Variants in ROBO2 observed in about 807,000 individuals in gnomAD.
ROBO2 encodes the protein roundabout guidance receptor 2.
In ROBO2, 53 loss-of-function variants were observed where a neutral mutation model predicts 160.8. That is an observed-to-expected ratio of 0.33 (90% CI 0.26 to 0.41). The LOEUF is 0.41. Among genes scored for constraint, ROBO2 ranks in the 10% least tolerant of loss-of-function variants. The pLI is 1.00. For missense variants in ROBO2, 1,577 were observed against 1,722.4 expected (o/e 0.92, Z 1.49); for synonymous variants, 664 against 611.7 (o/e 1.09, Z -1.26).
At chr3:77,354,147 C>A (rs753454060) in intron 2 of ROBO2, among the ~76,000 whole-genome samples, 1 of 152,142 alleles carries the variant, frequency 6.6e-6, no homozygotes, top group South Asian at 2.1e-4. Flanking sequence ...CTTTTGAGAA[C>A]CCCCAGAAGA....
intron 2 of ROBO2, among the ~76,000 whole-genome samples, chr3:77,287,264 TTA>T (rs1324064680): frequency 6.6e-6 from 1 of 152,160 alleles, no homozygotes; most frequent in African/African-American, 2.4e-5. Flanking sequence ...CAAAAAAATC[TTA>T]TAGCGTAGAA....
chr3:76,062,992 T>C (rs1033601722), intron 2 of ROBO2, among the ~76,000 whole-genome samples: 1 of 152,222 alleles, frequency 6.6e-6, no homozygotes, highest in Non-Finnish European at 1.5e-5. Flanking sequence ...TGATTTTCTA[T>C]TCATAATTTA....
intron 2 of ROBO2, among the ~76,000 whole-genome samples, chr3:75,938,127 G>A (rs543874452): frequency 4.7e-4 from 71 of 151,834 alleles, no homozygotes; most frequent in Non-Finnish European, 7.8e-4. Flanking sequence ...TCATTCTTCC[G>A]CCAAGTGTAT....
intron 2 of ROBO2, among the ~76,000 whole-genome samples, chr3:76,359,671 G>T (rs1488644476): frequency 1.2e-4 from 18 of 151,512 alleles, no homozygotes; most frequent in Admixed American, 3.9e-4. Flanking sequence ...ACTACTCTTT[G>T]GTATTGTTAC....
intron 2 of ROBO2, among the ~76,000 whole-genome samples, chr3:76,193,814 CTT>C (rs1014822405): frequency 3.9e-5 from 6 of 151,978 alleles, no homozygotes; most frequent in Non-Finnish European, 8.8e-5. Context: ...CATGTGACCT[CTT>C]TTTTTTCTTT....
intron 2 of ROBO2, chr3:75,965,090 A>G (rs896149787): frequency 6.6e-6 from 1 of 151,656 alleles, no homozygotes; most frequent in Non-Finnish European, 1.5e-5. Context: ...TTTTTCATCT[A>G]CACTTACCTC....
At chr3:77,303,798 CAT>C (rs1238031169) in intron 2 of ROBO2, among the ~76,000 whole-genome samples, 1 of 151,730 alleles carries the variant, frequency 6.6e-6, no homozygotes, top group African/African-American at 2.4e-5. Flanking sequence ...ATTTTATATA[CAT>C]ATATATACAT....
intron 2 of ROBO2, among the ~76,000 whole-genome samples, chr3:77,129,438 G>C (rs1408382827): frequency 6.6e-6 from 1 of 152,128 alleles, no homozygotes; most frequent in Non-Finnish European, 1.5e-5. Flanking sequence ...TATTCCTGTA[G>C]CATAAAAATC....
intron 2 of ROBO2, among the ~76,000 whole-genome samples, chr3:76,385,616 A>G (rs950460203): frequency 1.6e-4 from 25 of 152,340 alleles, no homozygotes; most frequent in African/African-American, 5.8e-4. Flanking sequence ...ATAATCACAT[A>G]ATTATTAAAC....
intron 2 of ROBO2, among the ~76,000 whole-genome samples, chr3:76,817,205 A>G (rs2065749600): frequency 6.6e-6 from 1 of 152,126 alleles, no homozygotes; most frequent in Non-Finnish European, 1.5e-5. Context: ...CATAACTTAA[A>G]GTGTAATAAA....
At chr3:76,274,836 CAAA>C (rs76078360) in intron 2 of ROBO2, among the ~76,000 whole-genome samples, 4 of 79,352 alleles carry the variant, frequency 5.0e-5, no homozygotes, top group African/African-American at 8.6e-5. Context: ...GACTCCTTTT[CAAA>C]AAAAAAAAAA....
At chr3:77,145,159 A>G (rs1258243319) in intron 2 of ROBO2, among the ~76,000 whole-genome samples, 2 of 152,164 alleles carry the variant, frequency 1.3e-5, no homozygotes, top group Non-Finnish European at 2.9e-5. Flanking sequence ...TGACTAGTAT[A>G]GTTTAGCTGG....
chr3:76,530,725 A>C (rs1174301405), intron 2 of ROBO2, among the ~76,000 whole-genome samples: 2 of 152,150 alleles, frequency 1.3e-5, no homozygotes, highest in African/African-American at 4.8e-5. Flanking sequence ...GTGTGCACAA[A>C]CTTTGGAAGG....
intron 2 of ROBO2, among the ~76,000 whole-genome samples, chr3:76,820,341 A>G (rs2066012935): frequency 6.6e-6 from 1 of 152,038 alleles, no homozygotes; most frequent in Non-Finnish European, 1.5e-5. Flanking sequence ...ATAACTTTCT[A>G]CTTGAATCAA....
chr3:75,990,965 T>C (rs1452187708), intron 2 of ROBO2, among the ~76,000 whole-genome samples: 1 of 152,128 alleles, frequency 6.6e-6, no homozygotes, highest in Admixed American at 6.5e-5. Flanking sequence ...AAAGGTAGAC[T>C]AAGTGTGAAT....
At chr3:76,595,616 A>G (rs2086687566) in intron 2 of ROBO2, among the ~76,000 whole-genome samples, 2 of 152,124 alleles carry the variant, frequency 1.3e-5, no homozygotes, top group African/African-American at 4.8e-5. Flanking sequence ...CAGATTATAT[A>G]TGAGTGATAT....
At chr3:77,255,466 G>C (rs1164274433) in intron 2 of ROBO2, among the ~76,000 whole-genome samples, 2 of 152,134 alleles carry the variant, frequency 1.3e-5, no homozygotes, top group East Asian at 3.9e-4. Context: ...TCAGAGACAG[G>C]CTCTGAAGAA....
At chr3:77,586,209 T>C (rs1271773022) in intron 16 of ROBO2, among the ~76,000 whole-genome samples, 1 of 152,146 alleles carries the variant, frequency 6.6e-6, no homozygotes, top group Non-Finnish European at 1.5e-5. Context: ...GACACAAAAA[T>C]GCAATCAAAT....
chr3:76,694,876 G>T (rs2107313026), intron 2 of ROBO2, among the ~76,000 whole-genome samples: 1 of 152,194 alleles, frequency 6.6e-6, no homozygotes, highest in East Asian at 1.9e-4. Flanking sequence ...GGCTAAGGCA[G>T]GTGGATCACC....
Sources: allele counts gnomAD v4.1 joint callset (sites outside exome capture counted in the v4.1 genomes callset), GRCh38; gene constraint gnomAD v4.1.1; transcripts MANE v1.5; gene names NCBI Gene and HGNC (gene_info 2026-07-23, HGNC 2026-07-21).